The following PAIP2 variants were observed in gnomAD, a reference collection of about 807,000 sequenced individuals.
The protein encoded by PAIP2 is polyadenylate-binding protein-interacting protein 2.
Under a neutral mutation model 14.8 loss-of-function variants are expected in PAIP2, and 7 were observed. That is an observed-to-expected ratio of 0.47 (90% CI 0.27 to 0.89). PAIP2 has a LOEUF of 0.89. Ranked by LOEUF, PAIP2 falls within the 40% of genes least tolerant of loss-of-function variation. The pLI, the probability that PAIP2 is intolerant of heterozygous loss-of-function variation, is 0.13. For synonymous variants in PAIP2, 47 were observed against 45.3 expected (o/e 1.04, Z -0.15); for missense variants, 122 against 154.7 (o/e 0.79, Z 1.12).
At chr5:139,353,044 G>A (rs1756796556) in intron 1 of PAIP2, among the ~76,000 whole-genome samples, 1 of 151,694 alleles carries the variant, frequency 6.6e-6, no homozygotes. Flanking sequence ...TGAACCCAGG[G>A]GAGATGGAGG....
intron 1 of PAIP2, among the ~76,000 whole-genome samples, chr5:139,354,225 C>T (rs910916347): frequency 2.0e-5 from 3 of 152,170 alleles, no homozygotes; most frequent in Non-Finnish European, 1.5e-5. Context: ...GTGACAAACT[C>T]TGTCCATTTT....
intron 1 of PAIP2, among the ~76,000 whole-genome samples, chr5:139,344,711 A>G (rs1019766626): frequency 6.6e-6 from 1 of 152,088 alleles, no homozygotes; most frequent in Non-Finnish European, 1.5e-5. Flanking sequence ...ATCAGTTAGG[A>G]TGACCCATTC....
chr5:139,352,124 A>G lies in PAIP2; in HGVS notation c.-27+10144A>G, dbSNP rs1452561090. Among the ~76,000 whole-genome samples, 3 of 151,626 alleles carry G rather than the reference A, an allele frequency of 2.0e-5. No homozygotes were observed. The East Asian group carries it at 5.8e-4, about 29-fold the overall frequency. ...GCCAACATGACACTCAAAATTTCAG[A>G]TTTGGGATTCTCAACTGCAAGTATA... On this transcript the variant is annotated intron_variant, in intron 1 of 3. Coordinates refer to ENST00000265192, the MANE Select transcript of PAIP2 (RefSeq NM_016480.5).
At chr5:139,347,863 G>A (rs1396287488) in intron 1 of PAIP2, among the ~76,000 whole-genome samples, 1 of 152,102 alleles carries the variant, frequency 6.6e-6, no homozygotes, top group Non-Finnish European at 1.5e-5. Flanking sequence ...GGAAGTTAGG[G>A]GAAGATGATG....
At chr5:139,364,044 A>T in intron 2 of PAIP2, 122 bp downstream of exon 2, 1 of 783,524 alleles carries the variant, frequency 1.3e-6, no homozygotes, top group Non-Finnish European at 2.0e-6. Flanking sequence ...ATGTGCCACC[A>T]CTCCTGTTTA....
intron 1 of PAIP2, among the ~76,000 whole-genome samples, chr5:139,359,940 T>A (rs1757020465): frequency 6.6e-6 from 1 of 151,544 alleles, no homozygotes. Context: ...CACTGTACTC[T>A]CCGTCTCAAA....
At chr5:139,349,021 G>T (rs1223254358) in intron 1 of PAIP2, among the ~76,000 whole-genome samples, 1 of 152,180 alleles carries the variant, frequency 6.6e-6, no homozygotes, top group Non-Finnish European at 1.5e-5. Context: ...AATGTGTATT[G>T]TCAAGTATTC....
intron 1 of PAIP2, among the ~76,000 whole-genome samples, chr5:139,358,463 C>A (rs753548835): frequency 1.2e-4 from 18 of 152,040 alleles, no homozygotes; most frequent in African/African-American, 1.9e-4. Context: ...CTCATTTTTT[C>A]TATCACAGTT....
In PAIP2 at chr5:139,361,610, T is replaced by G. The variant is rs549427988; in HGVS notation, c.-26-2149T>G. 9.8e-5 allele frequency among the ~76,000 whole-genome samples: 15 copies of G among 152,310 alleles called. No individual in the cohort carries two copies. The East Asian group carries it at 2.7e-3, about 27-fold the overall frequency. On this transcript the variant is annotated intron_variant, in intron 1 of 3. Coordinates refer to ENST00000265192, the MANE Select transcript of PAIP2 (RefSeq NM_016480.5). Reference sequence around the variant, plus strand: ...TCATGTTATCAGCTATTGAGTAGTATAAGACATCAGGCTTGTATTTGATAC... The same window carrying G: ...TCATGTTATCAGCTATTGAGTAGTAGAAGACATCAGGCTTGTATTTGATAC...
intron 1 of PAIP2, among the ~76,000 whole-genome samples, chr5:139,346,403 A>G (rs1395873387): frequency 6.6e-6 from 1 of 151,624 alleles, no homozygotes; most frequent in Admixed American, 6.6e-5. Context: ...CACCACGCCC[A>G]GCTAATGTTT....
intron 3 of PAIP2, chr5:139,367,280 A>G (rs1757306853): frequency 6.6e-6 from 1 of 152,170 alleles, no homozygotes; most frequent in Admixed American, 6.5e-5. Flanking sequence ...CTTGCAGCAT[A>G]CCTACATTTC....
At chr5:139,363,403 A>G (rs1757129245) in intron 1 of PAIP2, among the ~76,000 whole-genome samples, 1 of 152,162 alleles carries the variant, frequency 6.6e-6, no homozygotes, top group Non-Finnish European at 1.5e-5. Flanking sequence ...ATGCCTGCTA[A>G]TAATAAACAG....
rs1225876756 is a variant in PAIP2 at position 139,363,240 on chromosome 5, C to CA, written c.-26-508dup. ...TGGGTGACAGAGTGAAACTCTATCT[C>CA]AAAAAAAAAAAGAAAACATTAGATG... On this transcript the variant is annotated intron_variant, in intron 1 of 3. Transcript: ENST00000265192. 4.3e-3 allele frequency among the ~76,000 whole-genome samples: 601 copies of CA among 141,288 alleles called. 6 individuals are homozygous for CA. Among genetic ancestry groups the CA allele is most frequent in the East Asian group, 0.018 (91 of 4,920 alleles). 92.7% of individuals were successfully genotyped at this position (141,288 alleles called of 152,430 possible).
At position 139,364,733 on chromosome 5, in the gene PAIP2, A is replaced by C. The variant is rs751697037; in HGVS notation, c.308A>C (p.Glu103Ala). 1.9e-5 allele frequency: 30 copies of C among 1,598,780 alleles called. No homozygotes were observed. Among genetic ancestry groups the C allele is most frequent in the Non-Finnish European group, 2.4e-5 (28 of 1,172,476 alleles). ...GTTATCAGTGATGGCTCTTCTCTGG[A>C]AGATCTTGTGGTAAAAAGTTATTTT... ...DLVISDGSSLEDLVVKSNLNP... is the reference protein window; with the variant it reads ...DLVISDGSSLADLVVKSNLNP... Residue 103 changes from glutamate (E) to alanine (A), a missense_variant, in exon 3 of 4, where the codon GAA becomes GCA. Physicochemically the swap from Glu to Ala is moderately radical, Grantham distance 107. Transcript: ENST00000265192.
intron 1 of PAIP2, among the ~76,000 whole-genome samples, chr5:139,351,288 T>C (rs1561958592): frequency 6.6e-6 from 1 of 151,698 alleles, no homozygotes; most frequent in Non-Finnish European, 1.5e-5. Context: ...ATATATCCTA[T>C]ACGAAGCACT....
At chr5:139,352,504 T>TTTTTTTTTTTTGG (rs1470791772) in intron 1 of PAIP2, among the ~76,000 whole-genome samples, 11 of 45,612 alleles carry the variant, frequency 2.4e-4, no homozygotes, top group East Asian at 8.7e-4. Flanking sequence ...TTTTTGTTGT[T>TTTTTTTTTTTTGG]TTTTTTTTTT....
chr5:139,349,556 C>A (rs887270747), intron 1 of PAIP2, among the ~76,000 whole-genome samples: 1 of 151,866 alleles, frequency 6.6e-6, no homozygotes, highest in Non-Finnish European at 1.5e-5. Context: ...CCTTGGAGTA[C>A]ATTTTTAATT....
chr5:139,344,879 C>T (rs1314290654), intron 1 of PAIP2, among the ~76,000 whole-genome samples: 2 of 152,254 alleles, frequency 1.3e-5, no homozygotes, highest in East Asian at 1.9e-4. Flanking sequence ...TATTTAATCA[C>T]CGAGATAGTT....
chr5:139,358,595 A>G (rs2152051743), intron 1 of PAIP2, among the ~76,000 whole-genome samples: 1 of 152,374 alleles, frequency 6.6e-6, no homozygotes, highest in South Asian at 2.1e-4. Context: ...ATTAATAGCC[A>G]AAAAGTGGAA....
Sources: gnomAD v4.1 joint callset for allele counts (sites outside exome capture counted in the v4.1 genomes callset) on GRCh38, gnomAD v4.1.1 for gene constraint, MANE v1.5 for transcripts, NCBI Gene and HGNC (gene_info 2026-07-23, HGNC 2026-07-21) for gene names.